Variants in SPON2 observed in about 807,000 individuals in gnomAD.
SPON2 encodes spondin 2, also known as spondin-2.
SPON2 carries 32 observed loss-of-function variants against 29.9 expected under a neutral mutation model. The ratio of observed to expected loss-of-function variants is 1.07; its 90% CI spans 0.81 to 1.44. The LOEUF is 1.44. Ranked by LOEUF, SPON2 falls within the 40% of genes most tolerant of loss-of-function variation. The pLI is 0.00. For missense variants in SPON2, 541 were observed against 455.5 expected (o/e 1.19, Z -1.71); for synonymous variants, 248 against 209.1 (o/e 1.19, Z -1.61).
chr4:1,170,417 C>T lies in SPON2; in HGVS notation c.796G>A (p.Val266Ile), dbSNP rs760768853. ...TGTCCGTTACCTGAGGCGCTGTCTA[C>T]AATCTCATTGTCCCTGCTGGGCAGG... ...PVLPSRDNEI[V>I]DSASVPETPL... is the part of the protein sequence containing the mutation. The change falls in exon 5 of 6, where the codon GTA becomes ATA. Residue 266 changes from valine to isoleucine, a missense_variant. By Grantham distance (29) the Val-to-Ile change is conservative. Coordinates refer to ENST00000290902, the MANE Select transcript of SPON2 (RefSeq NM_012445.4). 3.1e-6 allele frequency: 5 copies of T among 1,613,526 alleles called. No individual in the cohort carries two copies. The Admixed American group carries it at 5.0e-5, about 16-fold the overall frequency.
intron 3 of SPON2, 36 bp from the exon 4 acceptor site, chr4:1,171,226 C>T: frequency 5.6e-6 from 8 of 1,430,606 alleles, no homozygotes; most frequent in Non-Finnish European, 7.2e-6. Flanking sequence ...CTGGCCCCGG[C>T]CCCCCGGACC....
chr4:1,167,680 G>T, intron 5 of SPON2, 24 bp from the exon 6 acceptor site: 1 of 1,559,582 alleles, frequency 6.4e-7, no homozygotes, highest in Non-Finnish European at 8.7e-7. Context: ...AGGGGAGACC[G>T]AGGTGAACGC....
intron 1 of SPON2, among the ~76,000 whole-genome samples, chr4:1,192,928 C>T (rs977154628): frequency 6.6e-6 from 1 of 152,206 alleles, no homozygotes; most frequent in Admixed American, 6.5e-5. Context: ...GCTCAATGTC[C>T]ACTGCAGCAG....
chr4:1,178,045 C>A (rs867522973), upstream of SPON2, among the ~76,000 whole-genome samples: 2 of 147,174 alleles, frequency 1.4e-5, no homozygotes, highest in East Asian at 4.0e-4. Context: ...CCAGGCACCA[C>A]GGGCTCTGCA....
At chr4:1,185,814 TAAAAG>T (rs1046830154) in intron 1 of SPON2, among the ~76,000 whole-genome samples, 3 of 151,750 alleles carry the variant, frequency 2.0e-5, no homozygotes, top group Non-Finnish European at 4.4e-5. Flanking sequence ...ATAAACTTCT[TAAAAG>T]AAAACATAAG....
chr4:1,195,149 G>A (rs1414221525), upstream of SPON2: 1 of 152,294 alleles, frequency 6.6e-6, no homozygotes, highest in Non-Finnish European at 1.5e-5. Flanking sequence ...CAGGACCACA[G>A]GGAGGGCGCC....
upstream of SPON2, chr4:1,198,921 G>A (rs1728132983): frequency 6.6e-6 from 1 of 151,526 alleles, no homozygotes; most frequent in Non-Finnish European, 1.5e-5. Context: ...AAACACAAAT[G>A]TCACAAATCC....
chr4:1,167,329 G>A lies in SPON2; in HGVS notation c.*143C>T, dbSNP rs1011569181. The A allele has an allele frequency of 6.0e-6, 5 of 839,476 alleles. No individual in the cohort carries two copies. The Admixed American group carries it at 1.3e-4, about 22-fold the overall frequency. 52.0% of individuals were successfully genotyped at this position (839,476 alleles called of 1,614,324 possible). On this transcript the variant is annotated 3_prime_UTR_variant, in exon 6 of 6. Transcript: ENST00000290902. ...GCCGGCCACCAGAGGGCCCTTCAGT[G>A]CAGAGATGGTCGGCGCGGCCTCACC...
At chr4:1,189,638 C>CAAAAAA (rs61543201) in intron 1 of SPON2, among the ~76,000 whole-genome samples, 24 of 60,190 alleles carry the variant, frequency 4.0e-4, no homozygotes, top group Non-Finnish European at 5.9e-4. Flanking sequence ...GACCCTGTCT[C>CAAAAAA]AAAAAAAAAA....
At chr4:1,197,610 A>T (rs1244924269), upstream of SPON2, among the ~76,000 whole-genome samples, 1 of 138,216 alleles carries the variant, frequency 7.2e-6, no homozygotes, top group Non-Finnish European at 1.6e-5. Context: ...GAGAACAATA[A>T]AGTGCATTTT....
chr4:1,189,695 TG>T (rs1355031660), intron 1 of SPON2, among the ~76,000 whole-genome samples: 1 of 148,104 alleles, frequency 6.8e-6, no homozygotes, highest in African/African-American at 2.5e-5. Context: ...AAACAAAAGT[TG>T]GTTTTTGGAA....
rs950365637 is a variant in SPON2, at chr4:1,202,111, G to A, written c.-234+5769C>T. On this transcript the variant is annotated intron_variant, in intron 1 of 3. Coordinates refer to the SPON2 transcript ENST00000509233. The surrounding 1 kb of genome is among the most constrained non-coding windows in gnomAD (Gnocchi z 5.4). ...CCTGTTAGCAACCGCTCCCCGCCAC[G>A]GTTTGAGTGAGGCCACAACAGAACA... 1.3e-5 allele frequency among the ~76,000 whole-genome samples: 2 copies of A among 152,162 alleles called. No individual in the cohort carries two copies. Among genetic ancestry groups the A allele is most frequent in the African/African-American group, 4.8e-5 (2 of 41,432 alleles).
rs1408145920 is a variant in SPON2, at chr4:1,171,061, C to T, written c.574G>A (p.Asp192Asn). 1 of 1,549,800 alleles carries T rather than the reference C, an allele frequency of 6.5e-7. No individual in the cohort carries two copies. Among genetic ancestry groups the T allele is most frequent in the South Asian group, 1.2e-5 (1 of 83,900 alleles). The change falls in exon 4 of 6, where the codon GAC becomes AAC. Residue 192 changes from aspartate to asparagine, a missense_variant. Transcript: ENST00000290902. ...LDLYPYDAGT[D>N]SGFTFSSPNF... ...GGGGAGGAGAAGGTGAAGCCGCTGT[C>T]CGTCCCGGCGTCGTAGGGGTACAGG...
chr4:1,185,569 A>T (rs1727776648), intron 1 of SPON2, among the ~76,000 whole-genome samples: 2 of 151,332 alleles, frequency 1.3e-5, no homozygotes, highest in Non-Finnish European at 2.9e-5. Context: ...TTAGCCAGGC[A>T]TGGTAGCACA....
intron 1 of SPON2, among the ~76,000 whole-genome samples, chr4:1,189,053 T>C (rs1727855307): frequency 1.3e-5 from 2 of 152,160 alleles, no homozygotes; most frequent in South Asian, 2.1e-4. Context: ...TTAAAAAATA[T>C]GTTAATAAAA....
chr4:1,167,417 G>A lies in SPON2; in HGVS notation c.*55C>T, dbSNP rs1265338911. ...CCGCCTGCAGCATGAGCCTGCACAG[G>A]AGCCCCCGACACCCCATGGCTCCGG... On this transcript the variant is annotated 3_prime_UTR_variant, in exon 6 of 6. Transcript: ENST00000290902. 6.4e-7 allele frequency: 1 copy of A among 1,553,560 alleles called. No individual in the cohort carries two copies. The highest frequency in any genetic ancestry group is 2.3e-5 in the East Asian group (1 of 44,366).
Position 1,171,468 on chromosome 4 carries a change from T to A in SPON2, c.239A>T (p.Asp80Val), listed in dbSNP as rs765230919. Residue 80 changes from aspartate (D) to valine (V), a missense_variant, in exon 3 of 6, where the codon GAC becomes GTC. By Grantham distance (152) the Asp-to-Val change is radical. Coordinates refer to ENST00000290902, the MANE Select transcript of SPON2 (RefSeq NM_012445.4). ...CTGGTTCTTCCTCCACATGCTGTAG[T>A]CGGAGCTATGCGCGGCCCCTGCAGG... ...SSLLGAAHSS[D>V]YSMWRKNQYV... 12 of 1,611,828 alleles carry A rather than the reference T, an allele frequency of 7.4e-6. No individual in the cohort carries two copies. Among genetic ancestry groups the A allele is most frequent in the Non-Finnish European group, 1.0e-5 (12 of 1,179,558 alleles).
intron 5 of SPON2, among the ~76,000 whole-genome samples, chr4:1,168,626 G>A (rs964144503): frequency 6.6e-6 from 1 of 152,234 alleles, no homozygotes; most frequent in Non-Finnish European, 1.5e-5. Context: ...CCCACCTGGG[G>A]AGCACACAGA....
chr4:1,208,713 G>C (rs541033364), upstream of SPON2: 3 of 152,266 alleles, frequency 2.0e-5, no homozygotes, highest in Admixed American at 2.0e-4. Context: ...ACGCGTCAAC[G>C]GTCTGTCCGT....
Sources: gnomAD v4.1 joint callset for allele counts (sites outside exome capture counted in the v4.1 genomes callset) on GRCh38, gnomAD v4.1.1 for gene constraint, Gnocchi (gnomAD v3.1) non-coding constraint, MANE v1.5 for transcripts, NCBI Gene and HGNC (gene_info 2026-07-23, HGNC 2026-07-21) for gene names.